Variants in MIA2 observed in about 807,000 individuals in gnomAD.
The protein encoded by MIA2 is MIA SH3 domain ER export factor 2, also known as melanoma inhibitory activity protein 2.
A neutral mutation model predicts 167.8 loss-of-function variants in MIA2; 127 were observed. The observed-to-expected ratio is 0.76, with a 90% CI of 0.66 to 0.88. MIA2 has a LOEUF of 0.88. Ranked by LOEUF, MIA2 falls within the 40% of genes least tolerant of loss-of-function variation. MIA2 has a pLI of 0.00. For synonymous variants in MIA2, 552 were observed against 541.9 expected (o/e 1.02, Z -0.26); for missense variants, 1,690 against 1,624.7 (o/e 1.04, Z -0.69).
Position 39,291,056 on chromosome 14 carries a change from C to G in MIA2, c.2168C>G (p.Ala723Gly). ...GYEVESSLKD[A>G]SFEKEATEAQ... The stretch of plus-strand genomic sequence containing the variant: ...GAAGTAGAGTCATCTTTAAAGGATG[C>G]CAGCTTTGAGAAGGAGGCAACAGAA... The change falls in exon 10 of 29, where the codon GCC becomes GGC. Residue 723 changes from alanine (A) to glycine (G), a missense_variant. Transcript: ENST00000640607. 1.2e-6 allele frequency: 2 copies of G among 1,605,604 alleles called. No homozygotes were observed. The highest frequency in any genetic ancestry group is 1.7e-6 in the Non-Finnish European group (2 of 1,176,864).
At chr14:39,354,754 G>A (rs1413260936), downstream of MIA2, among the ~76,000 whole-genome samples, 1 of 152,072 alleles carries the variant, frequency 6.6e-6, no homozygotes. Flanking sequence ...GTAAGGAAGG[G>A]GTCCAGTTTC....
chr14:39,370,438 T>A (rs1359102586), intron 23 of MIA2: 1 of 243,762 alleles, frequency 4.1e-6, no homozygotes, highest in Non-Finnish European at 9.1e-6. Flanking sequence ...CATTGAGGTA[T>A]GCTTGTGGGA....
downstream of MIA2, among the ~76,000 whole-genome samples, chr14:39,352,769 T>C (rs2074423483): frequency 6.6e-6 from 1 of 152,218 alleles, no homozygotes; most frequent in African/African-American, 2.4e-5. Flanking sequence ...ACTAGAAGTG[T>C]ATATGTTGTA....
In MIA2 at chr14:39,288,452, TATATATATATATA is replaced by T. The variant is rs1566747052; in HGVS notation, c.2131-2566_2131-2554del. 7.8e-3 allele frequency among the ~76,000 whole-genome samples: 118 copies of T among 15,116 alleles called. 6 individuals carry two copies. Among genetic ancestry groups the T allele is most frequent in the South Asian group, 0.014 (5 of 366 alleles). The allele number at this position is 15,116 out of a possible 152,430, so 9.9% of individuals were successfully genotyped here. On this transcript the variant is annotated intron_variant, in intron 9 of 28. Coordinates refer to ENST00000640607, the MANE Select transcript of MIA2 (RefSeq NM_001329214.4). Reference sequence around the variant, plus strand: ...TTATACATATATATATATATATATATATATATATATATATATATATATATTTTTTTTTTTTTTT... The same window carrying T: ...TTATACATATATATATATATATATATTATATATATATTTTTTTTTTTTTTT...
rs1464599577 is a variant in MIA2 at position 39,236,997 on chromosome 14, A to AAGAG, written c.193_196dup (p.Ile66ArgfsTer7). The stretch of plus-strand genomic sequence containing the variant: ...CGATACCTGAACTTCACTAAGGGAG[A>AAGAG]AGAGATATCTGTTTATGTTAAACTT... On this transcript the variant is annotated frameshift_variant, in exon 2 of 29. Transcript: ENST00000640607. LOFTEE classifies it high-confidence loss of function. 6.2e-7 allele frequency: 1 copy of AAGAG among 1,613,970 alleles called. No homozygotes were observed. The highest frequency in any genetic ancestry group is 8.5e-7 in the Non-Finnish European group (1 of 1,179,958).
chr14:39,324,022 T>G (rs558029198), intron 24 of MIA2, among the ~76,000 whole-genome samples: 1 of 152,344 alleles, frequency 6.6e-6, no homozygotes, highest in South Asian at 2.1e-4. Context: ...CTTACTTTTA[T>G]TATCTTTTTA....
intron 6 of MIA2, among the ~76,000 whole-genome samples, chr14:39,275,342 C>T (rs1233090051): frequency 3.2e-4 from 48 of 152,124 alleles, no homozygotes; most frequent in Admixed American, 6.5e-5. Context: ...GGTTTTGCCA[C>T]GTTGGCCAGG....
At chr14:39,312,278 A>C (rs1038384917) in intron 18 of MIA2, among the ~76,000 whole-genome samples, 1 of 151,206 alleles carries the variant, frequency 6.6e-6, no homozygotes, top group Non-Finnish European at 1.5e-5. Flanking sequence ...TCTTCAGTCT[A>C]CACAGTCTGT....
At chr14:39,366,003 C>G (rs937106125) in intron 23 of MIA2, among the ~76,000 whole-genome samples, 5 of 151,924 alleles carry the variant, frequency 3.3e-5, no homozygotes, top group African/African-American at 1.2e-4. Flanking sequence ...TAAAAGTGTG[C>G]CTGTGTTGTT....
chr14:39,382,073 C>G (rs1408436044), intron 23 of MIA2, among the ~76,000 whole-genome samples: 1 of 152,198 alleles, frequency 6.6e-6, no homozygotes, highest in Non-Finnish European at 1.5e-5. Flanking sequence ...AACTTGCCTT[C>G]CCTATTGGAA....
At position 39,369,894 on chromosome 14, in the gene MIA2, G is replaced by A. The variant is rs1426819625; in HGVS notation, c.2249-16991G>A. ...TTAAAAAACAACACCCCGTTTATTA[G>A]TTTCTTCTTTGTTCATCATTTTGCT... On this transcript the variant is annotated intron_variant, in intron 23 of 23. Transcript: ENST00000341502. Among the ~76,000 whole-genome samples, 20 of 152,190 alleles carry A rather than the reference G, an allele frequency of 1.3e-4. 1 individual carries two copies. The East Asian group carries it at 3.9e-3, about 29-fold the overall frequency.
At chr14:39,316,884 A>G (rs1375311990) in intron 21 of MIA2, among the ~76,000 whole-genome samples, 2 of 152,188 alleles carry the variant, frequency 1.3e-5, no homozygotes, top group Non-Finnish European at 2.9e-5. Flanking sequence ...CAGATCTTAC[A>G]GAGACACTGA....
chr14:39,290,930 T>G, intron 9 of MIA2, 89 bp from the exon 10 acceptor site: 1 of 1,179,670 alleles, frequency 8.5e-7, no homozygotes. Flanking sequence ...TATGTGGAAA[T>G]GGATTCTGTC....
At chr14:39,335,493 A>G (rs959741395) in intron 25 of MIA2, among the ~76,000 whole-genome samples, 1 of 152,218 alleles carries the variant, frequency 6.6e-6, no homozygotes, top group African/African-American at 2.4e-5. Context: ...GCACCGTTAA[A>G]TACTTTGAAA....
chr14:39,330,113 T>A (rs894225013), intron 25 of MIA2, among the ~76,000 whole-genome samples: 1 of 152,218 alleles, frequency 6.6e-6, no homozygotes, highest in African/African-American at 2.4e-5. Context: ...CTTTTTTGGT[T>A]GGTAGGCTAT....
At chr14:39,343,335 T>C (rs1364075731) in intron 25 of MIA2, among the ~76,000 whole-genome samples, 1 of 152,066 alleles carries the variant, frequency 6.6e-6, no homozygotes, top group African/African-American at 2.4e-5. Context: ...TCAGTAGAGA[T>C]GGGATTTCAC....
chr14:39,263,047 A>T (rs140383037), intron 6 of MIA2, among the ~76,000 whole-genome samples: 58 of 152,304 alleles, frequency 3.8e-4, no homozygotes, highest in African/African-American at 1.3e-3. Flanking sequence ...AACTTCGAAC[A>T]CTGTGTTGAA....
intron 6 of MIA2, among the ~76,000 whole-genome samples, chr14:39,275,324 A>G (rs2057836096): frequency 6.6e-6 from 1 of 152,066 alleles, no homozygotes; most frequent in African/African-American, 2.4e-5. Context: ...TATTTTTAGT[A>G]GAGACAGGGT....
chr14:39,319,308 T>TTA lies in MIA2; in HGVS notation c.3367+17_3367+18insTA. 7.4e-7 allele frequency: 1 copy of TTA among 1,347,766 alleles called. No homozygotes were observed. Among genetic ancestry groups the TTA allele is most frequent in the Non-Finnish European group, 1.0e-6 (1 of 988,784 alleles). 83.5% of individuals were successfully genotyped at this position (1,347,766 alleles called of 1,614,324 possible). On this transcript the variant is annotated intron_variant, in intron 23 of 28. Coordinates refer to ENST00000640607, the MANE Select transcript of MIA2 (RefSeq NM_001329214.4). ...TTGGCAGAGGTAGTCTTTTTTTTTT[T>TTA]ACCCCTCATTTAAAATACATATTTT... is the stretch of plus-strand genomic sequence containing the variant.
Sources: allele counts gnomAD v4.1 joint callset (sites outside exome capture counted in the v4.1 genomes callset), GRCh38; gene constraint gnomAD v4.1.1; transcripts MANE v1.5; gene names NCBI Gene and HGNC (gene_info 2026-07-23, HGNC 2026-07-21).